The following MANSC1 variants were observed in gnomAD, a reference collection of about 807,000 sequenced individuals.
MANSC1 encodes MANSC domain containing 1.
In MANSC1, 13 loss-of-function variants were observed where a neutral mutation model predicts 14.1. The ratio of observed to expected loss-of-function variants is 0.92; its 90% confidence interval spans 0.60 to 1.46. MANSC1 has a LOEUF of 1.46. Ranked by LOEUF, MANSC1 falls within the 40% of genes most tolerant of loss-of-function variation. The probability of loss-of-function intolerance (pLI) is 0.00; values close to 1 mark genes in which losing one functional copy is unlikely to be tolerated. For synonymous variants in MANSC1, 227 were observed against 200.7 expected (o/e 1.13, Z -1.11); for missense variants, 486 against 511.4 (o/e 0.95, Z 0.48).
intron 3 of MANSC1, among the ~76,000 whole-genome samples, chr12:12,333,416 A>T (rs970162053): frequency 3.9e-5 from 6 of 152,222 alleles, no homozygotes; most frequent in African/African-American, 1.4e-4. Flanking sequence ...GTGTGAAATC[A>T]GAACTTAAAT....
intron 3 of MANSC1, among the ~76,000 whole-genome samples, chr12:12,333,044 A>AATATATATATATATATATAT (rs147386841): frequency 2.0e-5 from 3 of 148,364 alleles, no homozygotes; most frequent in South Asian, 2.1e-4. Context: ...TATATTTGAA[A>AATATATATATATATATATAT]ATATATATAT....
At position 12,332,948 on chromosome 12, in the gene MANSC1, T is replaced by C. The variant is rs984443048; in HGVS notation, c.365-1990A>G. On this transcript the variant is annotated intron_variant, in intron 3 of 3. Coordinates refer to ENST00000535902, the MANE Select transcript of MANSC1 (RefSeq NM_018050.4). ...TACTGGTGTGAAAAGCCTAAAATAC[T>C]ATTTGGCCCTTGGCAGAAAAAGTTG... Among the ~76,000 whole-genome samples the C allele has an allele frequency of 2.0e-5, 3 of 152,172 alleles. No homozygotes were observed. The East Asian group carries it at 5.8e-4, about 29-fold the overall frequency.
chr12:12,327,818 C>T lies in MANSC1; in HGVS notation c.*2209G>A, dbSNP rs1419095277. 6.6e-6 allele frequency: 1 copy of T among 152,058 alleles called. No individual in the cohort carries two copies. The allele number at this position is 152,058 out of a possible 1,614,324, so 9.4% of individuals were successfully genotyped here. ...GTAGTATTTTCAATAGACCAGCTTTCCTCTTAATGTACTTTATGAACTTAG... is the reference window on the plus strand; with the variant it reads ...GTAGTATTTTCAATAGACCAGCTTTTCTCTTAATGTACTTTATGAACTTAG... On this transcript the variant is annotated 3_prime_UTR_variant, in exon 4 of 4. Transcript: ENST00000535902.
chr12:12,338,917 A>ACACACACACC (rs749773741), intron 2 of MANSC1: 71 of 241,436 alleles, frequency 2.9e-4, no homozygotes, highest in Middle Eastern at 3.0e-3. Context: ...ACACACACAC[A>ACACACACACC]CCCCTAAGAC....
Position 12,330,053 on chromosome 12 carries a change from T to C in MANSC1, c.1270A>G (p.Ile424Val), listed in dbSNP as rs918092883. 1 of 1,614,072 alleles carries C rather than the reference T, an allele frequency of 6.2e-7. No individual in the cohort carries two copies. The highest frequency in any genetic ancestry group is 1.7e-5 in the Admixed American group (1 of 60,008). ...TAGATGTCCACATAGATCCCATTGA[T>C]CAAATAATCCAGTCTTGAGTAACGT... ...RKRYSRLDYLINGIYVDI is the reference protein window; with the variant it reads ...RKRYSRLDYLVNGIYVDI Residue 424 changes from isoleucine (I) to valine (V), a missense_variant, in exon 4 of 4, where the codon ATC becomes GTC. Ile to Val is a conservative substitution (Grantham distance 29, BLOSUM62 3). Coordinates refer to ENST00000535902, the MANE Select transcript of MANSC1 (RefSeq NM_018050.4).
chr12:12,339,431 T>G (rs529173819), intron 2 of MANSC1, among the ~76,000 whole-genome samples: 1 of 151,912 alleles, frequency 6.6e-6, no homozygotes, highest in South Asian at 2.1e-4. Context: ...CACACTCGGA[T>G]TTTTTTTGGT....
chr12:12,343,424 A>C lies in MANSC1; in HGVS notation c.-100-10T>G. 1 of 665,526 alleles carries C rather than the reference A, an allele frequency of 1.5e-6. No homozygotes were observed. Among genetic ancestry groups the C allele is most frequent in the Non-Finnish European group, 2.6e-6 (1 of 390,770 alleles). The allele number at this position is 665,526 out of a possible 1,614,324, so 41.2% of individuals were successfully genotyped here. On this transcript the variant is annotated splice_polypyrimidine_tract_variant and intron_variant, in intron 1 of 3. Transcript: ENST00000535902. Reference sequence around the variant, plus strand: ...ATGATGAGATTTCTCTCTAGAACAAAAATGGAAAATCATCAATGAGTTTTG... The same window carrying C: ...ATGATGAGATTTCTCTCTAGAACAACAATGGAAAATCATCAATGAGTTTTG...
chr12:12,345,215 G>C (rs11054828), intron 1 of MANSC1, among the ~76,000 whole-genome samples: 1 of 149,366 alleles, frequency 6.7e-6, no homozygotes, highest in African/African-American at 2.5e-5. Flanking sequence ...AGCTACTCGG[G>C]AGGTTGAGGC....
chr12:12,337,208 T>C (rs1862869925), intron 3 of MANSC1, among the ~76,000 whole-genome samples: 2 of 151,090 alleles, frequency 1.3e-5, no homozygotes, highest in African/African-American at 4.9e-5. Context: ...AGCCAGGAGG[T>C]GGTGGTTGCA....
At chr12:12,346,291 G>A (rs1473538345) in intron 1 of MANSC1, among the ~76,000 whole-genome samples, 3 of 152,034 alleles carry the variant, frequency 2.0e-5, no homozygotes, top group Non-Finnish European at 2.9e-5. Context: ...AGGTATCAGT[G>A]CTTCCCAACT....
intron 3 of MANSC1, among the ~76,000 whole-genome samples, chr12:12,337,984 G>A (rs1416288308): frequency 1.3e-5 from 2 of 152,166 alleles, no homozygotes; most frequent in Admixed American, 6.5e-5. Context: ...GATTGGGTGC[G>A]TTCAGGGTGG....
chr12:12,340,765 C>A (rs1412865672), intron 2 of MANSC1, among the ~76,000 whole-genome samples: 3 of 152,102 alleles, frequency 2.0e-5, no homozygotes, highest in Non-Finnish European at 2.9e-5. Flanking sequence ...TTTGCTGATG[C>A]CTGTAAATAC....
rs1862745495 is a variant in MANSC1 at position 12,329,019 on chromosome 12, C to CACAA, written c.*1007_*1008insTTGT. 6.6e-6 allele frequency: 1 copy of CACAA among 151,922 alleles called. No individual in the cohort carries two copies. Among genetic ancestry groups the CACAA allele is most frequent in the Admixed American group, 6.6e-5 (1 of 15,156 alleles). 9.4% of individuals were successfully genotyped at this position (151,922 alleles called of 1,614,324 possible). ...ACACACACACACACACACACACACA[C>CACAA]ACACACAAGTTAACTAGAACAGATC... On this transcript the variant is annotated 3_prime_UTR_variant, in exon 4 of 4. Coordinates refer to ENST00000535902, the MANE Select transcript of MANSC1 (RefSeq NM_018050.4).
chr12:12,334,184 G>T (rs1282009858), intron 3 of MANSC1, among the ~76,000 whole-genome samples: 1 of 151,944 alleles, frequency 6.6e-6, no homozygotes, highest in African/African-American at 2.4e-5. Context: ...GAGCTCAGGA[G>T]GTGGAGGCTG....
intron 3 of MANSC1, among the ~76,000 whole-genome samples, chr12:12,334,073 A>ACC (rs35954228): frequency 1.3e-4 from 20 of 151,566 alleles, no homozygotes; most frequent in African/African-American, 2.9e-4. Context: ...ACATACTGAG[A>ACC]CCCCCCCATT....
rs1267239333 is a variant in MANSC1 at position 12,329,271 on chromosome 12, C to T, written c.*756G>A. The T allele has an allele frequency of 1.3e-5, 2 of 151,934 alleles. No homozygotes were observed. Among genetic ancestry groups the T allele is most frequent in the East Asian group, 3.9e-4 (2 of 5,180 alleles). 9.4% of individuals were successfully genotyped at this position (151,934 alleles called of 1,614,324 possible). On this transcript the variant is annotated 3_prime_UTR_variant, in exon 4 of 4. Transcript: ENST00000535902. Reference sequence around the variant, plus strand: ...TACTTATGAGAACACTACTGAGTAACAAAAGATTTATTCAAATATTTAATT... The same window carrying T: ...TACTTATGAGAACACTACTGAGTAATAAAAGATTTATTCAAATATTTAATT...
At position 12,338,405 on chromosome 12, in the gene MANSC1, T is replaced by C. The variant is rs1862885944; in HGVS notation, c.364+15A>G. 1 of 1,571,358 alleles carries C rather than the reference T, an allele frequency of 6.4e-7. No homozygotes were observed. Among genetic ancestry groups the C allele is most frequent in the Non-Finnish European group, 8.6e-7 (1 of 1,164,090 alleles). On this transcript the variant is annotated intron_variant, in intron 3 of 3. Coordinates refer to ENST00000535902, the MANE Select transcript of MANSC1 (RefSeq NM_018050.4). ...TATTCCAATCACAAAAGAAAAAGTA[T>C]AATGCTTTCATTACCTGTAATTATC...
chr12:12,335,549 C>A (rs576873700), intron 3 of MANSC1, among the ~76,000 whole-genome samples: 1 of 150,356 alleles, frequency 6.7e-6, no homozygotes, highest in South Asian at 2.2e-4. Context: ...CCATGTTGGC[C>A]AGGCTGGTCT....
intron 3 of MANSC1, among the ~76,000 whole-genome samples, chr12:12,335,313 G>A (rs1227877185): frequency 6.6e-6 from 1 of 150,970 alleles, no homozygotes. Context: ...CCAAGAGGGC[G>A]GCTACGGTGA....
Sources: allele counts gnomAD v4.1 joint callset (sites outside exome capture counted in the v4.1 genomes callset), GRCh38; gene constraint gnomAD v4.1.1; transcripts MANE v1.5; gene names NCBI Gene and HGNC (gene_info 2026-07-23, HGNC 2026-07-21).